Variants in TIAM1 observed in about 807,000 individuals in gnomAD.
TIAM1 encodes the protein TIAM Rac1 associated GEF 1, also known as rho guanine nucleotide exchange factor TIAM1.
A neutral mutation model predicts 163.5 loss-of-function variants in TIAM1; 65 were observed. The ratio of observed to expected loss-of-function variants is 0.40; its 90% CI spans 0.33 to 0.49. The LOEUF is 0.49. TIAM1 is among the 20% of genes least tolerant of loss of function. TIAM1 has a pLI of 0.77. For missense variants in TIAM1, 1,789 were observed against 2,044.7 expected (o/e 0.87, Z 2.41); for synonymous variants, 833 against 810.1 (o/e 1.03, Z -0.48).
chr21:31,390,974 C>T (rs1022841419), intron 2 of TIAM1, among the ~76,000 whole-genome samples: 2 of 152,134 alleles, frequency 1.3e-5, no homozygotes, highest in Non-Finnish European at 2.9e-5. Context: ...CTACCAGCCA[C>T]GCCTCTTCTT....
At chr21:31,330,858 GAA>G (rs2075656853) in intron 2 of TIAM1, among the ~76,000 whole-genome samples, 1 of 151,984 alleles carries the variant, frequency 6.6e-6, no homozygotes, top group Non-Finnish European at 1.5e-5. Flanking sequence ...ATTTGGCAAA[GAA>G]TTCTAGTGTT....
chr21:31,410,530 T>C (rs2077336210), intron 2 of TIAM1, among the ~76,000 whole-genome samples: 1 of 150,210 alleles, frequency 6.7e-6, no homozygotes, highest in Admixed American at 6.7e-5. Flanking sequence ...TGCATGAGAC[T>C]GAGTTTATGT....
At chr21:31,336,694 G>A (rs1255981716) in intron 2 of TIAM1, among the ~76,000 whole-genome samples, 2 of 152,042 alleles carry the variant, frequency 1.3e-5, no homozygotes, top group Admixed American at 1.3e-4. Context: ...GGAGAGCTCA[G>A]AAGGGTAACA....
At chr21:31,204,210 A>G (rs2086341093) in intron 11 of TIAM1, among the ~76,000 whole-genome samples, 1 of 152,216 alleles carries the variant, frequency 6.6e-6, no homozygotes, top group Non-Finnish European at 1.5e-5. Context: ...AAGCATCCTT[A>G]TCTTTTAGGG....
intron 2 of TIAM1, among the ~76,000 whole-genome samples, chr21:31,301,912 T>C (rs2074520356): frequency 6.7e-6 from 1 of 149,140 alleles, no homozygotes; most frequent in South Asian, 2.1e-4. Flanking sequence ...TGTGTATATA[T>C]ACGTGTAATA....
chr21:31,373,070 A>AG (rs2076626170), intron 2 of TIAM1, among the ~76,000 whole-genome samples: 1 of 104,768 alleles, frequency 9.5e-6, no homozygotes, highest in African/African-American at 3.8e-5. Context: ...AAAAAAAAAG[A>AG]AAAGAAAAGA....
chr21:31,443,777 G>C (rs962810141), intron 2 of TIAM1, among the ~76,000 whole-genome samples: 1 of 152,162 alleles, frequency 6.6e-6, no homozygotes, highest in Non-Finnish European at 1.5e-5. Context: ...AATGAGCCCT[G>C]AACTATTGTG....
intron 15 of TIAM1, among the ~76,000 whole-genome samples, chr21:31,170,276 A>AG (rs2084439521): frequency 6.6e-6 from 1 of 152,264 alleles, no homozygotes; most frequent in Non-Finnish European, 1.5e-5. Flanking sequence ...GTCAGGATAC[A>AG]GAAGATGTAA....
intron 16 of TIAM1, among the ~76,000 whole-genome samples, chr21:31,154,739 G>A (rs577905390): frequency 2.0e-5 from 3 of 152,302 alleles, no homozygotes; most frequent in Admixed American, 1.3e-4. Flanking sequence ...GATGCAGTAC[G>A]TAAGTGGCAG....
At chr21:31,183,698 T>C (rs2085142926) in intron 14 of TIAM1, among the ~76,000 whole-genome samples, 1 of 147,450 alleles carries the variant, frequency 6.8e-6, no homozygotes, top group East Asian at 2.0e-4. Flanking sequence ...CTGAAATCAT[T>C]TTTTTTTTTT....
chr21:31,349,508 A>G (rs1409577379), intron 2 of TIAM1, among the ~76,000 whole-genome samples: 2 of 152,202 alleles, frequency 1.3e-5, no homozygotes, highest in African/African-American at 2.4e-5. Context: ...AAAGCATCGA[A>G]GTTTTTCCTA....
intron 1 of TIAM1, among the ~76,000 whole-genome samples, chr21:31,530,030 A>G (rs1717061913): frequency 6.6e-6 from 1 of 152,186 alleles, no homozygotes; most frequent in South Asian, 2.1e-4. Context: ...AGGCAAGAAG[A>G]CAACCTGGCA....
intron 6 of TIAM1, among the ~76,000 whole-genome samples, chr21:31,241,108 G>A (rs980125845): frequency 8.5e-5 from 13 of 152,256 alleles, no homozygotes; most frequent in African/African-American, 2.2e-4. Context: ...CTGCCATGAC[G>A]GTGAGGCCTC....
At chr21:31,168,039 TG>T (rs2084321184) in intron 15 of TIAM1, among the ~76,000 whole-genome samples, 1 of 151,262 alleles carries the variant, frequency 6.6e-6, no homozygotes, top group South Asian at 2.1e-4. Flanking sequence ...GCCTATACTT[TG>T]GGGTAGGAGG....
At chr21:31,307,962 G>T (rs1234464428) in intron 2 of TIAM1, among the ~76,000 whole-genome samples, 1 of 152,212 alleles carries the variant, frequency 6.6e-6, no homozygotes, top group Admixed American at 6.5e-5. Flanking sequence ...GCTGGGTGCG[G>T]CAGCTCACAC....
chr21:31,198,286 T>G (rs77205519), intron 12 of TIAM1, among the ~76,000 whole-genome samples: 6,154 of 152,268 alleles, frequency 0.04, 164 homozygotes, highest in Non-Finnish European at 0.065. Flanking sequence ...TACTTGTGAC[T>G]CAGGAGCCTG....
At chr21:31,545,234 T>C (rs1460659871) in intron 1 of TIAM1, among the ~76,000 whole-genome samples, 1 of 151,982 alleles carries the variant, frequency 6.6e-6, no homozygotes, top group Non-Finnish European at 1.5e-5. Context: ...ATGTCAGAGA[T>C]TGGAATGATA....
chr21:31,489,258 T>C (rs1265206647), intron 1 of TIAM1, among the ~76,000 whole-genome samples: 1 of 149,122 alleles, frequency 6.7e-6, no homozygotes, highest in Non-Finnish European at 1.5e-5. Flanking sequence ...CAGTCCCAGC[T>C]ACTTGGGAGG....
At chr21:31,229,656 C>T (rs187187864) in intron 6 of TIAM1, among the ~76,000 whole-genome samples, 3 of 148,974 alleles carry the variant, frequency 2.0e-5, no homozygotes, top group Admixed American at 6.6e-5. Flanking sequence ...CTTCACCCCC[C>T]CTTTTTTTTT....
Sources: gnomAD v4.1 joint callset for allele counts (sites outside exome capture counted in the v4.1 genomes callset) on GRCh38, gnomAD v4.1.1 for gene constraint, MANE v1.5 for transcripts, NCBI Gene and HGNC (gene_info 2026-07-23, HGNC 2026-07-21) for gene names.